METTL24: variants seen among roughly 807,000 people sequenced by gnomAD.
METTL24 encodes probable methyltransferase-like protein 24.
A neutral mutation model predicts 32.7 loss-of-function variants in METTL24; 29 were observed. The observed-to-expected ratio is 0.89, with a 90% CI of 0.66 to 1.21. The LOEUF is 1.21. METTL24 is among the 50% of genes most tolerant of loss of function. METTL24 has a pLI of 0.00. For missense variants in METTL24, 439 were observed against 468.1 expected (o/e 0.94, Z 0.57); for synonymous variants, 163 against 179.5 (o/e 0.91, Z 0.73).
At chr6:110,323,716 C>T (rs1473363387) in intron 1 of METTL24, among the ~76,000 whole-genome samples, 1 of 151,918 alleles carries the variant, frequency 6.6e-6, no homozygotes, top group Admixed American at 6.6e-5. Flanking sequence ...GCTGCAATTC[C>T]CAGGGGTGGG....
chr6:110,268,868 A>G (rs1336597022), intron 4 of METTL24, among the ~76,000 whole-genome samples: 1 of 152,174 alleles, frequency 6.6e-6, no homozygotes, highest in East Asian at 1.9e-4. Context: ...CTGTTCTGCT[A>G]CACAGGGGTT....
rs1358356162 is a variant in METTL24 at position 110,245,575 on chromosome 6, A to G, written c.*371T>C. ...AAAACCCTATTTTAAACAGTAGGGG[A>G]AGAACTTAAAAATCTCACCAACCTA... On this transcript the variant is annotated 3_prime_UTR_variant, in exon 5 of 5. Coordinates refer to ENST00000338882, the MANE Select transcript of METTL24 (RefSeq NM_001123364.3). Among the ~76,000 whole-genome samples the G allele has an allele frequency of 6.6e-6, 1 of 152,238 alleles. No homozygotes were observed. The highest frequency in any genetic ancestry group is 2.4e-5 in the African/African-American group (1 of 41,466).
chr6:110,287,845 C>T (rs1771251414), intron 4 of METTL24, among the ~76,000 whole-genome samples: 1 of 152,112 alleles, frequency 6.6e-6, no homozygotes, highest in Non-Finnish European at 1.5e-5. Flanking sequence ...CACAGCTCAC[C>T]TAGGAACACA....
intron 4 of METTL24, among the ~76,000 whole-genome samples, chr6:110,273,631 A>G (rs947437583): frequency 1.3e-5 from 2 of 152,254 alleles, no homozygotes; most frequent in Non-Finnish European, 2.9e-5. Flanking sequence ...AGTGCTCAAC[A>G]GCACTAATTA....
chr6:110,262,272 T>A (rs1370515781), intron 4 of METTL24, among the ~76,000 whole-genome samples: 2 of 152,098 alleles, frequency 1.3e-5, no homozygotes, highest in Non-Finnish European at 2.9e-5. Context: ...CAATAATAAT[T>A]GATAAAGGGG....
chr6:110,263,399 A>T (rs1216633317), intron 4 of METTL24, among the ~76,000 whole-genome samples: 1 of 152,226 alleles, frequency 6.6e-6, no homozygotes, highest in Non-Finnish European at 1.5e-5. Context: ...AATACCTAGG[A>T]ATCCAACTTA....
intron 4 of METTL24, among the ~76,000 whole-genome samples, chr6:110,286,951 T>C (rs1272434260): frequency 1.3e-5 from 2 of 152,250 alleles, no homozygotes; most frequent in Admixed American, 6.5e-5. Flanking sequence ...AGCCTGCAGA[T>C]GGCCTATAGT....
chr6:110,299,862 C>T (rs1316784928), intron 3 of METTL24, among the ~76,000 whole-genome samples: 5 of 151,900 alleles, frequency 3.3e-5, no homozygotes, highest in East Asian at 1.9e-4. Flanking sequence ...GTGCAAGGAT[C>T]GTCACTTTGA....
At chr6:110,335,267 G>T (rs1772190890) in intron 1 of METTL24, among the ~76,000 whole-genome samples, 1 of 152,178 alleles carries the variant, frequency 6.6e-6, no homozygotes, top group African/African-American at 2.4e-5. Context: ...AATCTCCAAA[G>T]TTAGAAGCGA....
At position 110,358,126 on chromosome 6, in the gene METTL24, C is replaced by A; in HGVS notation, c.147G>T (p.Pro49=). ...GSPTRSAPPG[P]AWRPPGPHLP... is the part of the protein sequence containing the mutation. ...GGTGCGGCCCAGGTGGCCGCCAGGC[C>A]GGGCCCGGCGGGGCGCTGCGGGTGG... The change falls in exon 1 of 5, where the codon CCG becomes CCT. Residue 49 remains proline (P), a synonymous_variant. Transcript: ENST00000338882. 9.2e-7 allele frequency: 1 copy of A among 1,089,530 alleles called. No individual in the cohort carries two copies. The highest frequency in any genetic ancestry group is 1.1e-6 in the Non-Finnish European group (1 of 897,986). The allele number at this position is 1,089,530 out of a possible 1,614,324, so 67.5% of individuals were successfully genotyped here. A position where few individuals can be genotyped will look rare whatever the true frequency, so the allele number is the denominator to read the frequency against.
At chr6:110,309,781 C>T (rs1222005894) in intron 3 of METTL24, among the ~76,000 whole-genome samples, 1 of 151,560 alleles carries the variant, frequency 6.6e-6, no homozygotes, top group African/African-American at 2.4e-5. Context: ...ATAGGAACTA[C>T]AAGATGAGAT....
chr6:110,334,298 G>A lies in METTL24; in HGVS notation c.319-11426C>T, dbSNP rs17071464. On this transcript the variant is annotated intron_variant, in intron 1 of 4. Coordinates refer to ENST00000338882, the MANE Select transcript of METTL24 (RefSeq NM_001123364.3). The stretch of plus-strand genomic sequence containing the variant: ...TTAAACCAGAAGTCATTTTTATCAC[G>A]GAAAAGAATTAAAATGCCTCACCTA... Among the ~76,000 whole-genome samples the A allele has an allele frequency of 3.8e-3, 575 of 152,240 alleles. 3 individuals carry two copies. Among genetic ancestry groups the A allele is most frequent in the African/African-American group, 0.013 (528 of 41,532 alleles).
intron 1 of METTL24, among the ~76,000 whole-genome samples, chr6:110,347,922 T>C (rs909008445): frequency 2.6e-5 from 4 of 152,246 alleles, no homozygotes; most frequent in Admixed American, 2.6e-4. Flanking sequence ...TAGCTTTTAT[T>C]TCAGATTAAA....
At chr6:110,285,654 A>C (rs1278857564) in intron 4 of METTL24, among the ~76,000 whole-genome samples, 1 of 152,188 alleles carries the variant, frequency 6.6e-6, no homozygotes, top group Non-Finnish European at 1.5e-5. Context: ...CTCATAAAGG[A>C]ATTGCAGAGT....
chr6:110,304,297 C>T (rs1013376164), intron 3 of METTL24, among the ~76,000 whole-genome samples: 6 of 152,112 alleles, frequency 3.9e-5, no homozygotes, highest in Non-Finnish European at 7.4e-5. Flanking sequence ...AGAAAGGAAA[C>T]AAAACTGGAT....
In METTL24 at chr6:110,274,802, C is replaced by CTTT. The variant is rs1196371607; in HGVS notation, c.786+24117_786+24119dup. On this transcript the variant is annotated intron_variant, in intron 4 of 4. Transcript: ENST00000338882. ...TTTTTTTTTTTCCTTTTCGTTCTTTCTTTTTTTTTTTTTTTTTTGAGACAG... is the reference window on the plus strand; with the variant it reads ...TTTTTTTTTTTCCTTTTCGTTCTTTCTTTTTTTTTTTTTTTTTTTTTGAGACAG... Among the ~76,000 whole-genome samples the CTTT allele has an allele frequency of 1.1e-3, 96 of 90,082 alleles. 3 individuals carry two copies. Among genetic ancestry groups the CTTT allele is most frequent in the African/African-American group, 2.7e-3 (64 of 23,846 alleles). The allele number at this position is 90,082 out of a possible 152,430, so 59.1% of individuals were successfully genotyped here.
intron 4 of METTL24, among the ~76,000 whole-genome samples, chr6:110,252,446 C>T (rs1778298738): frequency 6.6e-6 from 1 of 152,134 alleles, no homozygotes; most frequent in African/African-American, 2.4e-5. Flanking sequence ...CCCTTATGAC[C>T]TCATTTAACC....
chr6:110,344,135 G>C (rs147138451), intron 1 of METTL24, among the ~76,000 whole-genome samples: 178 of 152,262 alleles, frequency 1.2e-3, no homozygotes, highest in African/African-American at 3.9e-3. Flanking sequence ...AACGGAGTAG[G>C]AGGCAAATCC....
chr6:110,248,354 A>G (rs888615632), intron 4 of METTL24, among the ~76,000 whole-genome samples: 1 of 152,186 alleles, frequency 6.6e-6, no homozygotes. Context: ...TAACAGCTAC[A>G]AGAAAATGGG....
Sources: gnomAD v4.1 joint callset for allele counts (sites outside exome capture counted in the v4.1 genomes callset) on GRCh38, gnomAD v4.1.1 for gene constraint, MANE v1.5 for transcripts, NCBI Gene and HGNC (gene_info 2026-07-23, HGNC 2026-07-21) for gene names.